FBXO42: variants seen among roughly 807,000 people sequenced by gnomAD.
FBXO42 encodes F-box only protein 42.
FBXO42 carries 12 observed loss-of-function variants against 71.7 expected under a neutral mutation model. That is an observed-to-expected ratio of 0.17 (90% CI 0.11 to 0.27). The LOEUF is 0.27. Ranked by LOEUF, FBXO42 falls within the 10% of genes least tolerant of loss-of-function variation. The pLI is 1.00. For synonymous variants in FBXO42, 325 were observed against 327.5 expected, an observed-to-expected ratio of 0.99 and a Z score of 0.08; for missense variants, 707 against 911.9, an observed-to-expected ratio of 0.78 and a Z score of 2.89.
chr1:16,291,858 G>C (rs1426570656), intron 4 of FBXO42, among the ~76,000 whole-genome samples: 1 of 152,102 alleles, frequency 6.6e-6, no homozygotes, highest in Non-Finnish European at 1.5e-5. Flanking sequence ...GTTTTGTAGA[G>C]ACAGGGTCTC....
intron 4 of FBXO42, among the ~76,000 whole-genome samples, chr1:16,263,468 T>G (rs1053050546): frequency 1.9e-4 from 28 of 149,632 alleles, no homozygotes; most frequent in African/African-American, 5.9e-4. Flanking sequence ...CAAACTTTCT[T>G]TAAAAGCACA....
chr1:16,334,288 C>T (rs1396104125), intron 1 of FBXO42, among the ~76,000 whole-genome samples: 2 of 152,088 alleles, frequency 1.3e-5, no homozygotes, highest in East Asian at 3.9e-4. Context: ...AAAAAATTAG[C>T]CAGGTGTGGT....
intron 1 of FBXO42, among the ~76,000 whole-genome samples, chr1:16,344,757 A>G (rs1163322667): frequency 2.0e-5 from 3 of 152,174 alleles, no homozygotes. Flanking sequence ...AATCCCATAA[A>G]TGTGTTAAAT....
intron 7 of FBXO42, 66 bp from the exon 8 acceptor site, chr1:16,253,218 C>T: frequency 1.4e-6 from 2 of 1,439,396 alleles, no homozygotes; most frequent in African/African-American, 1.4e-5. Context: ...CTATGCTTCA[C>T]TGGTATATGA....
intron 4 of FBXO42, among the ~76,000 whole-genome samples, chr1:16,284,500 T>C (rs1312733117): frequency 6.6e-6 from 1 of 152,140 alleles, no homozygotes; most frequent in Non-Finnish European, 1.5e-5. Flanking sequence ...AGGAAGATCA[T>C]TCCCATCAGC....
At chr1:16,331,870 G>T (rs1007030297) in intron 1 of FBXO42, among the ~76,000 whole-genome samples, 8 of 152,034 alleles carry the variant, frequency 5.3e-5, no homozygotes, top group African/African-American at 1.9e-4. Context: ...GACCAACATG[G>T]AGAAACCCTG....
chr1:16,286,545 G>T (rs2082024242), intron 4 of FBXO42, among the ~76,000 whole-genome samples: 1 of 152,168 alleles, frequency 6.6e-6, no homozygotes. Context: ...GACACATGGG[G>T]ATTATGAGGA....
chr1:16,310,095 T>C lies in FBXO42; in HGVS notation c.251-4176A>G, dbSNP rs2082297076. Among the ~76,000 whole-genome samples the C allele has an allele frequency of 2.0e-5, 3 of 149,460 alleles. No homozygotes were observed. In the East Asian group the frequency reaches 5.9e-4, roughly 29 times the overall value. On this transcript the variant is annotated intron_variant, in intron 2 of 9. Transcript: ENST00000375592. ...CTGTAGTCCCAGCTACTCGGGAGGC[T>C]GAGGCAGGAGAATGGCGTGAACCCG... is the stretch of plus-strand genomic sequence containing the variant.
At chr1:16,277,316 G>C (rs993131733) in intron 4 of FBXO42, among the ~76,000 whole-genome samples, 5 of 152,150 alleles carry the variant, frequency 3.3e-5, no homozygotes, top group Admixed American at 2.6e-4. Context: ...AAAGTGCTTA[G>C]TGCAAAACAA....
chr1:16,256,550 T>A (rs892714557), intron 5 of FBXO42, 56 bp downstream of exon 5: 3 of 1,563,222 alleles, frequency 1.9e-6, no homozygotes, highest in South Asian at 1.1e-5. Context: ...AAACAAAGAA[T>A]CCACTGATTT....
In FBXO42 at chr1:16,282,148, G is replaced by A. The variant is rs190793901; in HGVS notation, c.502+12635C>T. On this transcript the variant is annotated intron_variant, in intron 4 of 9. Coordinates refer to ENST00000375592, the MANE Select transcript of FBXO42 (RefSeq NM_018994.3). ...AGAGAGCTCACATATTATACAGTAA[G>A]ACTGCAAGAAGATATCATAGGGCTC... Among the ~76,000 whole-genome samples the A allele has an allele frequency of 7.9e-5, 12 of 151,990 alleles. No homozygotes were observed. In the East Asian group the frequency reaches 2.3e-3, roughly 29 times the overall value.
At chr1:16,255,629 T>A in intron 6 of FBXO42, 82 bp downstream of exon 6, 2 of 1,153,700 alleles carry the variant, frequency 1.7e-6, no homozygotes, top group Non-Finnish European at 2.5e-6. Flanking sequence ...ATTAGGCACC[T>A]GGTCCCTAAT....
At chr1:16,313,157 G>C (rs1259821427) in intron 2 of FBXO42, among the ~76,000 whole-genome samples, 1 of 145,318 alleles carries the variant, frequency 6.9e-6, no homozygotes, top group Non-Finnish European at 1.6e-5. Context: ...TAAAAAAAAA[G>C]TCTACTAAAA....
rs58853820 is a variant in FBXO42 at position 16,282,220 on chromosome 1, C to CT, written c.502+12562dup. 2.4e-3 allele frequency among the ~76,000 whole-genome samples: 322 copies of CT among 136,238 alleles called. 1 individual carries two copies. The highest frequency in any genetic ancestry group is 2.4e-3 in the Admixed American group (33 of 13,808). The allele number at this position is 136,238 out of a possible 152,430, so 89.4% of individuals were successfully genotyped here. The stretch of plus-strand genomic sequence containing the variant: ...TGTTTAGAATCAACTGAGACATTTT[C>CT]TTTTTTTTTTTTTTCTTTTTTTTGA... On this transcript the variant is annotated intron_variant, in intron 4 of 9. Coordinates refer to ENST00000375592, the MANE Select transcript of FBXO42 (RefSeq NM_018994.3).
chr1:16,253,319 T>A (rs2081609998), intron 7 of FBXO42, 167 bp from the exon 8 acceptor site: 1 of 621,026 alleles, frequency 1.6e-6, no homozygotes, highest in Admixed American at 3.3e-5. Context: ...TCCCTGTGAA[T>A]AAATTACTGA....
chr1:16,304,518 AT>A (rs2082230134), intron 3 of FBXO42, among the ~76,000 whole-genome samples: 1 of 152,104 alleles, frequency 6.6e-6, no homozygotes, highest in Admixed American at 6.6e-5. Context: ...TTAAATAGCC[AT>A]TATATGACCT....
intron 1 of FBXO42, among the ~76,000 whole-genome samples, chr1:16,320,104 A>G (rs1463546681): frequency 2.0e-5 from 3 of 151,934 alleles, no homozygotes; most frequent in African/African-American, 7.3e-5. Flanking sequence ...TCACGCGTGT[A>G]ATCCCAGCAC....
At chr1:16,349,984 G>A (rs1466481356) in intron 1 of FBXO42, among the ~76,000 whole-genome samples, 3 of 152,148 alleles carry the variant, frequency 2.0e-5, no homozygotes, top group South Asian at 2.1e-4. Flanking sequence ...AAACTCAGAC[G>A]TTTTGTTAGC....
At chr1:16,263,782 C>T (rs1005514036) in intron 4 of FBXO42, among the ~76,000 whole-genome samples, 1 of 146,410 alleles carries the variant, frequency 6.8e-6, no homozygotes, top group African/African-American at 2.5e-5. Context: ...AAAACAAAAA[C>T]AAAAAACCCA....
Sources: allele counts gnomAD v4.1 joint callset (sites outside exome capture counted in the v4.1 genomes callset), GRCh38; gene constraint gnomAD v4.1.1; transcripts MANE v1.5; gene names NCBI Gene and HGNC (gene_info 2026-07-23, HGNC 2026-07-21).